The following CDC14B variants were observed in gnomAD, a reference collection of about 807,000 sequenced individuals.
CDC14B encodes cell division cycle 14B, also known as dual specificity protein phosphatase CDC14B.
A neutral mutation model predicts 64.2 loss-of-function variants in CDC14B; 22 were observed. That is an observed-to-expected ratio of 0.34 (90% confidence interval 0.24 to 0.49). The LOEUF (loss-of-function observed/expected upper bound fraction) is 0.49. Ranked by LOEUF, CDC14B falls within the 20% of genes least tolerant of loss-of-function variation. CDC14B has a pLI of 0.99. For synonymous variants in CDC14B, 191 were observed against 215.8 expected, an observed-to-expected ratio of 0.89 and a Z score of 1.01; for missense variants, 498 against 629.9, an observed-to-expected ratio of 0.79 and a Z score of 2.24.
chr9:96,556,530 TA>T (rs935305535), intron 4 of CDC14B, among the ~76,000 whole-genome samples: 22 of 151,940 alleles, frequency 1.4e-4, no homozygotes, highest in African/African-American at 4.6e-4. Context: ...AAAAACTCGT[TA>T]AAAAAAACCT....
intron 1 of CDC14B, among the ~76,000 whole-genome samples, chr9:96,601,666 G>A (rs532327089): frequency 1.5e-4 from 22 of 151,586 alleles, no homozygotes; most frequent in Non-Finnish European, 2.5e-4. Flanking sequence ...GGTGGCAGGC[G>A]CCTGCAGTCC....
intron 1 of CDC14B, among the ~76,000 whole-genome samples, chr9:96,599,181 A>T (rs1688713675): frequency 6.6e-6 from 1 of 152,174 alleles, no homozygotes; most frequent in South Asian, 2.1e-4. Flanking sequence ...GGAGTTCAAG[A>T]CCAACTTGGC....
intron 5 of CDC14B, among the ~76,000 whole-genome samples, chr9:96,547,542 C>T (rs1051235411): frequency 6.6e-6 from 1 of 152,026 alleles, no homozygotes; most frequent in Non-Finnish European, 1.5e-5. Flanking sequence ...TCACTGAAGC[C>T]TCCTAGGCTT....
At chr9:96,535,337 T>TA in intron 7 of CDC14B, among the ~76,000 whole-genome samples, 1 of 151,914 alleles carries the variant, frequency 6.6e-6, no homozygotes, top group Admixed American at 6.6e-5. Context: ...AATAAATAAA[T>TA]AAATGCACTG....
chr9:96,504,100 T>G (rs970369475), intron 13 of CDC14B, among the ~76,000 whole-genome samples: 3 of 152,178 alleles, frequency 2.0e-5, no homozygotes, highest in Non-Finnish European at 4.4e-5. Context: ...GAAAGTACCA[T>G]GACGCCGCCA....
At chr9:96,581,068 A>G (rs899939597) in intron 1 of CDC14B, among the ~76,000 whole-genome samples, 17 of 152,110 alleles carry the variant, frequency 1.1e-4, no homozygotes, top group African/African-American at 3.4e-4. Context: ...TGTCTCTACT[A>G]AAAATACAAA....
chr9:96,611,190 A>C (rs1043478392), intron 1 of CDC14B, among the ~76,000 whole-genome samples: 2 of 152,190 alleles, frequency 1.3e-5, no homozygotes, highest in African/African-American at 4.8e-5. Context: ...CCTTGAGTTT[A>C]GGAAGGTTAC....
intron 4 of CDC14B, among the ~76,000 whole-genome samples, chr9:96,553,778 T>C (rs1460248232): frequency 6.6e-6 from 1 of 152,164 alleles, no homozygotes. Flanking sequence ...CATGTATGCC[T>C]CTTCTAACAC....
At chr9:96,495,993 T>C (rs929112177), downstream of CDC14B, among the ~76,000 whole-genome samples, 1 of 152,092 alleles carries the variant, frequency 6.6e-6, no homozygotes. Flanking sequence ...TCTGGGGAGA[T>C]GGAGGGGCCT....
rs866113976 is a variant in CDC14B at position 96,618,356 on chromosome 9, T to C, written c.160+863A>G. On this transcript the variant is annotated intron_variant, in intron 1 of 13. Coordinates refer to ENST00000375241, the MANE Select transcript of CDC14B (RefSeq NM_033331.4). ...CTGCTGTTTACACAGCGTTGCCACA[T>C]ACATCATCACATTTAATGCCTTCAC... The C allele has an allele frequency of 1.8e-5, 7 of 388,434 alleles. 1 individual carries two copies. Among genetic ancestry groups the C allele is most frequent in the South Asian group, 7.6e-5 (4 of 52,636 alleles). 24.1% of individuals were successfully genotyped at this position (388,434 alleles called of 1,614,324 possible).
chr9:96,607,647 T>C (rs1484456622), intron 1 of CDC14B, among the ~76,000 whole-genome samples: 1 of 152,078 alleles, frequency 6.6e-6, no homozygotes, highest in Non-Finnish European at 1.5e-5. Flanking sequence ...ATGGTCTCGA[T>C]CTCCTGACCT....
chr9:96,563,451 G>C (rs1446694564), intron 3 of CDC14B, among the ~76,000 whole-genome samples: 1 of 152,158 alleles, frequency 6.6e-6, no homozygotes, highest in Non-Finnish European at 1.5e-5. Context: ...AGGAGTTCGA[G>C]ACCAGCCTGA....
intron 12 of CDC14B, among the ~76,000 whole-genome samples, chr9:96,521,806 G>A (rs1264195309): frequency 1.3e-5 from 2 of 152,180 alleles, no homozygotes; most frequent in East Asian, 1.9e-4. Flanking sequence ...TAACTAGAAG[G>A]AAGAAATCCA....
intron 12 of CDC14B, 140 bp downstream of exon 12, chr9:96,522,366 T>G (rs922841810): frequency 1.2e-5 from 8 of 657,112 alleles, no homozygotes; most frequent in Non-Finnish European, 1.9e-5. Context: ...CACCCCTAGG[T>G]TTTAAATAAC....
chr9:96,528,293 G>A (rs1442590031), intron 9 of CDC14B, among the ~76,000 whole-genome samples: 5 of 152,226 alleles, frequency 3.3e-5, no homozygotes, highest in African/African-American at 7.2e-5. Flanking sequence ...AGGCCAAGGC[G>A]GGTGGACTAC....
rs995278726 is a variant in CDC14B at position 96,560,830 on chromosome 9, C to T, written c.420+1863G>A. 4.0e-5 allele frequency among the ~76,000 whole-genome samples: 6 copies of T among 150,084 alleles called. No individual in the cohort carries two copies. In the South Asian group the frequency reaches 6.3e-4, roughly 16 times the overall value. The stretch of plus-strand genomic sequence containing the variant: ...CAAGAGAGGCTGGGAGAAAGGAAAA[C>T]ACCAATACGTCTGGGAAAGCTTATG... On this transcript the variant is annotated intron_variant, in intron 4 of 13. Coordinates refer to ENST00000375241, the MANE Select transcript of CDC14B (RefSeq NM_033331.4).
At chr9:96,577,449 T>C (rs1036949942) in intron 1 of CDC14B, among the ~76,000 whole-genome samples, 2 of 152,186 alleles carry the variant, frequency 1.3e-5, no homozygotes, top group East Asian at 1.9e-4. Context: ...GAAAATGATT[T>C]GCCTAAAAAT....
intron 5 of CDC14B, among the ~76,000 whole-genome samples, chr9:96,550,155 T>C (rs1301441630): frequency 1.3e-5 from 2 of 152,208 alleles, no homozygotes; most frequent in Non-Finnish European, 2.9e-5. Context: ...TGGTTGCTAT[T>C]ATGTTATAGG....
chr9:96,551,691 C>A (rs1587932796), intron 5 of CDC14B, 105 bp downstream of exon 5: 3 of 1,487,368 alleles, frequency 2.0e-6, no homozygotes, highest in Middle Eastern at 2.4e-4. Context: ...TTGCGCTCAT[C>A]CTAAAATGAC....
Sources: allele counts gnomAD v4.1 joint callset (sites outside exome capture counted in the v4.1 genomes callset), GRCh38; gene constraint gnomAD v4.1.1; transcripts MANE v1.5; gene names NCBI Gene and HGNC (gene_info 2026-07-23, HGNC 2026-07-21).